The following DNAJC1 variants were observed in gnomAD, a reference collection of about 807,000 sequenced individuals.
DNAJC1 encodes the protein DnaJ heat shock protein family (Hsp40) member C1.
A neutral mutation model predicts 76.6 loss-of-function variants in DNAJC1; 58 were observed. The ratio of observed to expected loss-of-function variants is 0.76; its 90% CI spans 0.61 to 0.94. The LOEUF (loss-of-function observed/expected upper bound fraction) is 0.94. DNAJC1 is among the 40% of genes least tolerant of loss of function. The pLI is 0.00. For missense variants in DNAJC1, 689 were observed against 677.3 expected, an observed-to-expected ratio of 1.02 and a Z score of -0.19; for synonymous variants, 258 against 267.9, an observed-to-expected ratio of 0.96 and a Z score of 0.36.
chr10:21,847,126 G>T (rs1241485779), intron 8 of DNAJC1, among the ~76,000 whole-genome samples: 1 of 151,874 alleles, frequency 6.6e-6, no homozygotes, highest in Admixed American at 6.6e-5. Context: ...TTTTCCCTTA[G>T]GTGTCACTTT....
intron 6 of DNAJC1, among the ~76,000 whole-genome samples, chr10:21,909,547 A>G (rs187555586): frequency 6.6e-6 from 1 of 152,350 alleles, no homozygotes; most frequent in African/African-American, 2.4e-5. Context: ...GCCCCGGCAC[A>G]AAGTAAATAA....
chr10:21,833,231 G>C (rs964321304), intron 8 of DNAJC1, among the ~76,000 whole-genome samples: 2 of 152,146 alleles, frequency 1.3e-5, no homozygotes, highest in Non-Finnish European at 2.9e-5. Flanking sequence ...CAGCACTTTG[G>C]GAGGCTGAGG....
At chr10:21,789,793 T>C (rs1041555072) in intron 9 of DNAJC1, among the ~76,000 whole-genome samples, 3 of 151,978 alleles carry the variant, frequency 2.0e-5, no homozygotes, top group African/African-American at 7.2e-5. Flanking sequence ...GTGGATCACA[T>C]GAAGCCAGGA....
intron 9 of DNAJC1, among the ~76,000 whole-genome samples, chr10:21,767,048 G>T (rs1348725420): frequency 6.6e-6 from 1 of 151,716 alleles, no homozygotes; most frequent in Non-Finnish European, 1.5e-5. Flanking sequence ...TCCAGAAATG[G>T]AATATCTTTC....
chr10:21,800,645 TAGAGCTATGTGA>T (rs1181521197), intron 9 of DNAJC1, among the ~76,000 whole-genome samples: 1 of 152,244 alleles, frequency 6.6e-6, no homozygotes, highest in African/African-American at 2.4e-5. Context: ...GCTCATGTTC[TAGAGCTATGTGA>T]AAAGGACAGA....
intron 1 of DNAJC1, among the ~76,000 whole-genome samples, chr10:21,973,744 A>G (rs111567199): frequency 9.2e-5 from 14 of 151,616 alleles, no homozygotes; most frequent in African/African-American, 3.2e-4. Context: ...ACTTAAAAAA[A>G]AAAAAGAAAA....
intron 6 of DNAJC1, among the ~76,000 whole-genome samples, chr10:21,908,592 T>C (rs375553990): frequency 1.6e-4 from 24 of 151,490 alleles, no homozygotes; most frequent in Middle Eastern, 3.4e-3. Context: ...CCAGTTTACC[T>C]ACACAGAAAG....
intron 9 of DNAJC1, among the ~76,000 whole-genome samples, chr10:21,768,691 C>A (rs1202690057): frequency 6.6e-6 from 1 of 152,194 alleles, no homozygotes; most frequent in Non-Finnish European, 1.5e-5. Context: ...TACAGATGAC[C>A]TTGCTTCCTA....
intron 8 of DNAJC1, among the ~76,000 whole-genome samples, chr10:21,838,047 G>T (rs1358970581): frequency 6.7e-6 from 1 of 148,162 alleles, no homozygotes; most frequent in Admixed American, 6.7e-5. Flanking sequence ...CCGGGAGGTG[G>T]GGGGCGCCTC....
At chr10:21,888,202 T>C (rs1284455422) in intron 7 of DNAJC1, among the ~76,000 whole-genome samples, 1 of 152,152 alleles carries the variant, frequency 6.6e-6, no homozygotes, top group Non-Finnish European at 1.5e-5. Context: ...CTCTATCCAG[T>C]CAGAATGACT....
chr10:21,844,905 CTG>C (rs1835630418), intron 8 of DNAJC1, among the ~76,000 whole-genome samples: 2 of 152,142 alleles, frequency 1.3e-5, no homozygotes, highest in South Asian at 2.1e-4. Context: ...TGGTGCCTAC[CTG>C]TAGCCCAAGC....
rs1564793477 is a variant in DNAJC1 at position 21,809,268 on chromosome 10, G to A, written c.979-3169C>T. ...GGCCAAATTAAAAAAAATTTTTAAT[G>A]TACTTGTTTATTGTATTTTTATACT... On this transcript the variant is annotated intron_variant, in intron 8 of 11. Transcript: ENST00000376980. 2.0e-5 allele frequency among the ~76,000 whole-genome samples: 3 copies of A among 151,892 alleles called. No homozygotes were observed. The East Asian group carries it at 5.8e-4, about 29-fold the overall frequency.
intron 10 of DNAJC1, among the ~76,000 whole-genome samples, chr10:21,765,797 T>A (rs975881973): frequency 1.3e-5 from 2 of 152,024 alleles, no homozygotes; most frequent in Admixed American, 1.3e-4. Context: ...TGAGCCGAGA[T>A]TGCGCCACTG....
rs1399021875 is a variant in DNAJC1, at chr10:21,776,083, G to GA, written c.1099-9775dup. On this transcript the variant is annotated intron_variant, in intron 9 of 11. Transcript: ENST00000376980. ...TATGATAGGTAAGGGTAGAGTGAATGAAAAAAAACTAAAATAGGTTGCATT... is the reference window on the plus strand; with the variant it reads ...TATGATAGGTAAGGGTAGAGTGAATGAAAAAAAAACTAAAATAGGTTGCATT... 9.2e-5 allele frequency among the ~76,000 whole-genome samples: 14 copies of GA among 151,822 alleles called. No homozygotes were observed. The East Asian group carries it at 2.5e-3, about 27-fold the overall frequency.
At chr10:21,819,041 T>C (rs1003375144) in intron 8 of DNAJC1, among the ~76,000 whole-genome samples, 2 of 152,160 alleles carry the variant, frequency 1.3e-5, no homozygotes, top group African/African-American at 4.8e-5. Flanking sequence ...AACATGACAC[T>C]AATAGAAAGA....
intron 9 of DNAJC1, among the ~76,000 whole-genome samples, chr10:21,767,653 T>A (rs1303145433): frequency 6.6e-6 from 1 of 152,198 alleles, no homozygotes; most frequent in Non-Finnish European, 1.5e-5. Context: ...TGCAATTTGA[T>A]GAGTTTTGAC....
intron 1 of DNAJC1, among the ~76,000 whole-genome samples, chr10:22,002,343 CA>C (rs1248822766): frequency 3.3e-5 from 5 of 152,140 alleles, no homozygotes; most frequent in African/African-American, 1.2e-4. Context: ...CTCCTTCGCA[CA>C]AGGCTTCAGG....
chr10:21,840,742 G>GA (rs1564804783), intron 8 of DNAJC1, among the ~76,000 whole-genome samples: 1 of 152,006 alleles, frequency 6.6e-6, no homozygotes, highest in African/African-American at 2.4e-5. Context: ...CACAGAACTG[G>GA]AAAAAAACTA....
At chr10:21,920,759 T>A in intron 4 of DNAJC1, 39 bp downstream of exon 4, 1 of 1,535,174 alleles carries the variant, frequency 6.5e-7, no homozygotes, top group East Asian at 2.3e-5. Context: ...CATATAAAAT[T>A]AAGGAGGCTA....
Sources: gnomAD v4.1 joint callset for allele counts (sites outside exome capture counted in the v4.1 genomes callset) on GRCh38, gnomAD v4.1.1 for gene constraint, MANE v1.5 for transcripts, NCBI Gene and HGNC (gene_info 2026-07-23, HGNC 2026-07-21) for gene names.